Variants in CCDC30 observed in about 807,000 individuals in gnomAD.
CCDC30 encodes the protein coiled-coil domain containing 30, also known as coiled-coil domain-containing protein 30.
CCDC30 carries 70 observed loss-of-function variants against 100.2 expected under a neutral mutation model. The ratio of observed to expected loss-of-function variants is 0.70; its 90% CI spans 0.58 to 0.85. The LOEUF is 0.85. Ranked by LOEUF, CCDC30 falls within the 40% of genes least tolerant of loss-of-function variation. CCDC30 has a pLI of 0.00. For synonymous variants in CCDC30, 233 were observed against 269.5 expected (o/e 0.86, Z 1.33); for missense variants, 652 against 771.2 (o/e 0.85, Z 1.83).
intron 10 of CCDC30, among the ~76,000 whole-genome samples, 158 bp from the exon 15 acceptor site, chr1:42,610,819 GA>G (rs1050254398): frequency 1.3e-5 from 2 of 151,526 alleles, no homozygotes; most frequent in African/African-American, 4.9e-5. Context: ...CTGACTTTCA[GA>G]AAATCTGGAA....
chr1:42,545,049 A>T (rs949225446), intron 6 of CCDC30, among the ~76,000 whole-genome samples: 9 of 151,596 alleles, frequency 5.9e-5, no homozygotes, highest in African/African-American at 2.2e-4. Flanking sequence ...GAAAACAAAA[A>T]TGTGTGGTGA....
intron 10 of CCDC30, chr1:42,589,771 C>T: frequency 4.2e-6 from 1 of 237,448 alleles, no homozygotes; most frequent in Non-Finnish European, 8.1e-6. Flanking sequence ...CCTGCAGCGT[C>T]AAAGTGGAGA....
intron 10 of CCDC30, among the ~76,000 whole-genome samples, chr1:42,599,574 A>G (rs1347161476): frequency 6.6e-6 from 1 of 152,236 alleles, no homozygotes; most frequent in Non-Finnish European, 1.5e-5. Flanking sequence ...TAATCACTTT[A>G]GACATCAATG....
intron 6 of CCDC30, among the ~76,000 whole-genome samples, chr1:42,553,997 G>GTATA (rs147674816): frequency 6.6e-6 from 1 of 151,038 alleles, no homozygotes; most frequent in African/African-American, 2.4e-5. Context: ...TTTTCCCATA[G>GTATA]TATATATATA....
chr1:42,655,965 C>T (rs1648645877), downstream of CCDC30, among the ~76,000 whole-genome samples: 2 of 150,690 alleles, frequency 1.3e-5, 1 homozygote, highest in South Asian at 4.2e-4. Context: ...CTCAACCTCC[C>T]ATGCTTAAGT....
chr1:42,555,509 G>A (rs948325182), intron 6 of CCDC30, among the ~76,000 whole-genome samples: 3 of 152,152 alleles, frequency 2.0e-5, no homozygotes, highest in African/African-American at 4.8e-5. Context: ...AAGCCCTAGT[G>A]CCTGCCAAAG....
chr1:42,576,076 T>A (rs72958002), intron 7 of CCDC30, among the ~76,000 whole-genome samples: 2,651 of 152,294 alleles, frequency 0.017, 74 homozygotes, highest in African/African-American at 0.06. Flanking sequence ...TGGTGGGATC[T>A]GGAGTGAGGG....
chr1:42,616,465 C>T (rs1646729346), intron 11 of CCDC30, among the ~76,000 whole-genome samples: 1 of 152,204 alleles, frequency 6.6e-6, no homozygotes, highest in Non-Finnish European at 1.5e-5. Flanking sequence ...TTAATTGAAA[C>T]TCTACCTTTA....
At chr1:42,459,104 A>AT (rs1158257238), upstream of CCDC30, 4 of 148,574 alleles carry the variant, frequency 2.7e-5, no homozygotes. Flanking sequence ...GCCCCAGAAT[A>AT]TGTATGGAGC....
At chr1:42,478,611 TAGCC>T (rs1643909770) in intron 1 of CCDC30, among the ~76,000 whole-genome samples, 2 of 151,956 alleles carry the variant, frequency 1.3e-5, no homozygotes, top group Admixed American at 1.3e-4. Context: ...ATACAAAAAT[TAGCC>T]AGGCATGGTG....
intron 4 of CCDC30, among the ~76,000 whole-genome samples, chr1:42,495,731 C>A (rs541654457): frequency 6.6e-6 from 1 of 152,036 alleles, no homozygotes; most frequent in South Asian, 2.1e-4. Flanking sequence ...AAATAAAAAT[C>A]TTCCCATGAG....
At chr1:42,545,145 G>C (rs1400252937) in intron 6 of CCDC30, among the ~76,000 whole-genome samples, 2 of 82,924 alleles carry the variant, frequency 2.4e-5, no homozygotes, top group Non-Finnish European at 4.8e-5. Context: ...CCCAACCCCA[G>C]AGTCCAAAAA....
chr1:42,607,554 A>AT (rs1248060768), intron 10 of CCDC30, among the ~76,000 whole-genome samples: 1 of 127,168 alleles, frequency 7.9e-6, no homozygotes, highest in Non-Finnish European at 1.6e-5. Flanking sequence ...ACTTGTCTCT[A>AT]TAAAAAAAAA....
chr1:42,646,421 G>T, intron 15 of CCDC30, 104 bp downstream of exon 19: 17 of 1,253,564 alleles, frequency 1.4e-5, no homozygotes, highest in Admixed American at 8.0e-5. Flanking sequence ...ACTGGAAAAA[G>T]TAAAACGGAG....
At position 42,637,390 on chromosome 1, in the gene CCDC30, A is replaced by C. The variant is rs1647181510; in HGVS notation, c.1419+12A>C. ...ATAAAATAGAAAAGGTGAGGAAAAAATAAAAGGTGAAGAGCTCACTGGTGA... is the reference window on the plus strand; with the variant it reads ...ATAAAATAGAAAAGGTGAGGAAAAACTAAAAGGTGAAGAGCTCACTGGTGA... On this transcript the variant is annotated intron_variant, in intron 12 of 16. Coordinates refer to ENST00000668663, the Ensembl canonical transcript of CCDC30. 6.2e-7 allele frequency: 1 copy of C among 1,604,406 alleles called. No individual in the cohort carries two copies. Among genetic ancestry groups the C allele is most frequent in the Admixed American group, 1.7e-5 (1 of 57,692 alleles).
chr1:42,651,741 G>T (rs944761540), intron 15 of CCDC30, among the ~76,000 whole-genome samples: 13 of 152,112 alleles, frequency 8.5e-5, no homozygotes, highest in African/African-American at 3.1e-4. Flanking sequence ...GGGTGTGGTG[G>T]TGTGCACCTG....
At chr1:42,501,556 C>T (rs1644312712) in intron 6 of CCDC30, among the ~76,000 whole-genome samples, 1 of 152,222 alleles carries the variant, frequency 6.6e-6, no homozygotes, top group Non-Finnish European at 1.5e-5. Flanking sequence ...TTCAGCTTTT[C>T]TGCTCTGGTT....
chr1:42,553,337 T>C (rs1645293738), intron 6 of CCDC30, among the ~76,000 whole-genome samples: 1 of 152,106 alleles, frequency 6.6e-6, no homozygotes, highest in African/African-American at 2.4e-5. Flanking sequence ...TTGAGTTCCC[T>C]AGCTGGTCTG....
intron 6 of CCDC30, among the ~76,000 whole-genome samples, chr1:42,515,354 T>C (rs1644539208): frequency 6.6e-6 from 1 of 152,214 alleles, no homozygotes; most frequent in Admixed American, 6.5e-5. Context: ...ATAATACATT[T>C]CTATTGTTTT....
Sources: gnomAD v4.1 joint callset for allele counts (sites outside exome capture counted in the v4.1 genomes callset) on GRCh38, gnomAD v4.1.1 for gene constraint, MANE v1.5 for transcripts, NCBI Gene and HGNC (gene_info 2026-07-23, HGNC 2026-07-21) for gene names.